The following SNAP91 variants were observed in gnomAD, a reference collection of about 807,000 sequenced individuals.
SNAP91 encodes the protein synaptosome associated protein 91, also known as clathrin coat assembly protein AP180.
SNAP91 carries 27 observed loss-of-function variants against 100.3 expected under a neutral mutation model. The observed-to-expected ratio is 0.27, with a 90% CI of 0.20 to 0.37. SNAP91 has a LOEUF of 0.37. Among genes scored for constraint, SNAP91 ranks in the 10% least tolerant of loss-of-function variants. The pLI is 1.00. For missense variants in SNAP91, 986 were observed against 1,123.7 expected, an observed-to-expected ratio of 0.88 and a Z score of 1.75; for synonymous variants, 404 against 398.6, an observed-to-expected ratio of 1.01 and a Z score of -0.16.
intron 26 of SNAP91, among the ~76,000 whole-genome samples, chr6:83,572,454 T>G (rs182695730): frequency 2.2e-4 from 34 of 152,256 alleles, no homozygotes; most frequent in African/African-American, 7.9e-4. Context: ...TTTCACCATG[T>G]TGGCTATGGC....
At chr6:83,580,861 T>G (rs1166894944) in intron 23 of SNAP91, among the ~76,000 whole-genome samples, 1 of 152,194 alleles carries the variant, frequency 6.6e-6, no homozygotes, top group Non-Finnish European at 1.5e-5. Context: ...GAACTGGGCT[T>G]CAATTCAGCT....
intron 23 of SNAP91, 110 bp from the exon 24 acceptor site, chr6:83,580,709 C>T (rs1826987649): frequency 3.7e-6 from 4 of 1,075,984 alleles, no homozygotes; most frequent in African/African-American, 1.6e-5. Context: ...AATATAAAAT[C>T]TTATAAAAGA....
Position 83,707,939 on chromosome 6 carries a change from G to A in SNAP91, c.-12C>T, listed in dbSNP as rs771834318. 7 of 1,566,938 alleles carry A rather than the reference G, an allele frequency of 4.5e-6. No individual in the cohort carries two copies. In the East Asian group the frequency reaches 1.2e-4, roughly 27 times the overall value. ...GTTTGGCCCGACATCTTCTGTGGTC[G>A]CGTCTACCGCCTCCTCTTCTGCAGG... On this transcript the variant is annotated 5_prime_UTR_variant, in exon 2 of 30. Transcript: ENST00000369694.
Position 83,614,802 on chromosome 6 carries a change from T to C in SNAP91, c.884+55A>G. On this transcript the variant is annotated intron_variant, in intron 11 of 29. Coordinates refer to ENST00000369694, the MANE Select transcript of SNAP91 (RefSeq NM_001242792.2). ...CCAAATGTGGAATCTTAAGAGTGTT[T>C]TTTGCATTTTTAGTAATTACCAAAT... The C allele has an allele frequency of 9.5e-6, 13 of 1,373,448 alleles. No homozygotes were observed. The South Asian group carries it at 1.6e-4, about 17-fold the overall frequency. 85.1% of individuals were successfully genotyped at this position (1,373,448 alleles called of 1,614,324 possible). A position where few individuals can be genotyped will look rare whatever the true frequency, so the allele number is the denominator to read the frequency against.
intron 26 of SNAP91, among the ~76,000 whole-genome samples, chr6:83,567,686 T>A (rs1357815849): frequency 6.6e-6 from 1 of 151,906 alleles, no homozygotes; most frequent in East Asian, 1.9e-4. Context: ...AAAAAGTGGG[T>A]GAAGGATATG....
chr6:83,665,216 T>TG (rs2098656791), intron 3 of SNAP91, among the ~76,000 whole-genome samples: 1 of 152,060 alleles, frequency 6.6e-6, no homozygotes, highest in South Asian at 2.1e-4. Context: ...ATCTCTGAGG[T>TG]GTACCTATTC....
intron 8 of SNAP91, among the ~76,000 whole-genome samples, chr6:83,624,881 C>G (rs910873289): frequency 5.3e-5 from 8 of 151,994 alleles, no homozygotes; most frequent in African/African-American, 1.9e-4. Context: ...ATTATTATTT[C>G]TTTTTAAAAA....
At chr6:83,669,501 T>C (rs1209840908) in intron 2 of SNAP91, among the ~76,000 whole-genome samples, 2 of 151,984 alleles carry the variant, frequency 1.3e-5, no homozygotes, top group East Asian at 3.9e-4. Flanking sequence ...TGAAGTATAG[T>C]TGATATTAGA....
intron 2 of SNAP91, among the ~76,000 whole-genome samples, chr6:83,687,791 GA>G (rs2099080222): frequency 6.6e-6 from 1 of 152,172 alleles, no homozygotes; most frequent in South Asian, 2.1e-4. Flanking sequence ...GAGATTGTAG[GA>G]TTTATATTTA....
chr6:83,665,339 TC>T, intron 3 of SNAP91, 99 bp downstream of exon 3: 1 of 1,155,136 alleles, frequency 8.7e-7, no homozygotes, highest in Non-Finnish European at 1.2e-6. Flanking sequence ...CTTTTCTTTT[TC>T]TCCTAATTAG....
At chr6:83,701,650 G>A (rs1477713636) in intron 2 of SNAP91, among the ~76,000 whole-genome samples, 1 of 152,152 alleles carries the variant, frequency 6.6e-6, no homozygotes, top group Non-Finnish European at 1.5e-5. Flanking sequence ...GGTTCATCAT[G>A]TTGGCCAGGC....
At chr6:83,646,700 T>A (rs1585415665) in intron 7 of SNAP91, among the ~76,000 whole-genome samples, 1 of 152,306 alleles carries the variant, frequency 6.6e-6, no homozygotes, top group South Asian at 2.1e-4. Context: ...TTTACCTGAT[T>A]AGAATCAGTT....
intron 8 of SNAP91, among the ~76,000 whole-genome samples, chr6:83,628,938 T>C (rs1340760310): frequency 3.9e-5 from 6 of 152,140 alleles, no homozygotes; most frequent in Non-Finnish European, 8.8e-5. Context: ...AATCCTTGCC[T>C]ACGCCAATGT....
chr6:83,587,186 C>T (rs556768263), intron 22 of SNAP91, among the ~76,000 whole-genome samples: 3 of 151,868 alleles, frequency 2.0e-5, no homozygotes, highest in African/African-American at 7.3e-5. Flanking sequence ...TCTCTAAAAT[C>T]ATTTTAAAAT....
chr6:83,673,162 A>ATTCCTTCC (rs1306378046), intron 2 of SNAP91, among the ~76,000 whole-genome samples: 1 of 151,612 alleles, frequency 6.6e-6, no homozygotes. Context: ...TTTACATCTC[A>ATTCCTTCC]TTCCTTCCTT....
chr6:83,639,808 A>G (rs2097606351), intron 8 of SNAP91, among the ~76,000 whole-genome samples: 1 of 152,152 alleles, frequency 6.6e-6, no homozygotes, highest in Non-Finnish European at 1.5e-5. Context: ...ATTTAATGAA[A>G]CAAAATAATC....
intron 16 of SNAP91, among the ~76,000 whole-genome samples, chr6:83,599,758 C>CCTAA (rs1302535483): frequency 6.6e-6 from 1 of 152,094 alleles, no homozygotes; most frequent in Non-Finnish European, 1.5e-5. Flanking sequence ...TAAATGAAAA[C>CCTAA]CTAACCCTCT....
intron 28 of SNAP91, among the ~76,000 whole-genome samples, chr6:83,557,798 T>C (rs1583688448): frequency 6.6e-6 from 1 of 152,252 alleles, no homozygotes; most frequent in South Asian, 2.1e-4. Flanking sequence ...GATTGGTCCA[T>C]AATTGATAAT....
At chr6:83,662,882 A>G (rs774159880) in intron 3 of SNAP91, among the ~76,000 whole-genome samples, 2 of 151,966 alleles carry the variant, frequency 1.3e-5, no homozygotes, top group Non-Finnish European at 2.9e-5. Context: ...CATTTTATTG[A>G]GCTTCTTTTT....
Sources: gnomAD v4.1 joint callset for allele counts (sites outside exome capture counted in the v4.1 genomes callset) on GRCh38, gnomAD v4.1.1 for gene constraint, MANE v1.5 for transcripts, NCBI Gene and HGNC (gene_info 2026-07-23, HGNC 2026-07-21) for gene names.